CLTRN: variants seen among roughly 807,000 people sequenced by gnomAD.
CLTRN encodes the protein collectrin.
CLTRN carries 12 observed loss-of-function variants against 14.5 expected under a neutral mutation model. The observed-to-expected ratio is 0.83, with a 90% CI of 0.53 to 1.34. CLTRN has a LOEUF of 1.34. Ranked by LOEUF, CLTRN falls within the 40% of genes most tolerant of loss-of-function variation. CLTRN has a pLI of 0.00. For synonymous variants in CLTRN, 58 were observed against 56.5 expected, an observed-to-expected ratio of 1.03 and a Z score of -0.12; for missense variants, 154 against 165.1, an observed-to-expected ratio of 0.93 and a Z score of 0.37.
chrX:15,666,441 G>C (rs1026606361), upstream of CLTRN, among the ~76,000 whole-genome samples: 7 of 111,774 alleles, frequency 6.3e-5, no homozygotes, highest in African/African-American at 2.3e-4. Context: ...TTCCTCAAAA[G>C]TCATGAATGG....
At chrX:15,639,163 C>T (rs765554749) in intron 5 of CLTRN, among the ~76,000 whole-genome samples, 6 of 111,693 alleles carry the variant, frequency 5.4e-5, no homozygotes, top group Non-Finnish European at 1.1e-4. Context: ...AAGAGGTAAG[C>T]CAAAGTAGGG....
At chrX:15,651,308 G>A (rs777588915) in intron 3 of CLTRN, among the ~76,000 whole-genome samples, 45 of 111,240 alleles carry the variant, frequency 4.0e-4, no homozygotes, top group Non-Finnish European at 2.1e-4. Context: ...TTCAGATTCC[G>A]TGCCCCATCC....
upstream of CLTRN, among the ~76,000 whole-genome samples, chrX:15,666,341 C>T (rs1053778416): frequency 9.0e-6 from 1 of 111,563 alleles, no homozygotes; most frequent in Non-Finnish European, 1.9e-5. Flanking sequence ...TCCACAGATG[C>T]CAATCAACGC....
At chrX:15,674,579 G>A (rs2147220585) in intron 1 of CLTRN, among the ~76,000 whole-genome samples, 1 of 112,781 alleles carries the variant, frequency 8.9e-6, no homozygotes, top group African/African-American at 3.2e-5. Flanking sequence ...GAGTTGTGGT[G>A]TTTAGAGTTG....
rs759445205 is a variant in CLTRN at position 15,664,747 on chromosome X, GT to G, written c.28del (p.Thr10LeufsTer18). The G allele has an allele frequency of 5.0e-6, 6 of 1,207,691 alleles. No homozygotes were observed. Among genetic ancestry groups the G allele is most frequent in the Non-Finnish European group, 5.6e-6 (5 of 894,070 alleles). On this transcript the variant is annotated frameshift_variant, in exon 1 of 6. Transcript: ENST00000380342. LOFTEE classifies it high-confidence loss of function. ...TTGACAGAGTTCAGCATGAATGGCA[GT>G]CACCAGAAAAAAGAGCAGCCACAAC... The part of the protein sequence containing the change: MLWLLFFLV[T>X]AIHAELCQPG...
intron 3 of CLTRN, among the ~76,000 whole-genome samples, chrX:15,653,321 TTC>T (rs1412014774): frequency 1.8e-5 from 2 of 109,463 alleles, no homozygotes; most frequent in South Asian, 8.1e-4. Flanking sequence ...CGGTGGCCTT[TTC>T]TCTTTTTTTC....
chrX:15,656,882 TGA>T (rs1929379571), intron 3 of CLTRN, among the ~76,000 whole-genome samples: 1 of 111,459 alleles, frequency 9.0e-6, no homozygotes, highest in Non-Finnish European at 1.9e-5. Context: ...TTTGCAGTTT[TGA>T]TTTTTACAAC....
intron 4 of CLTRN, among the ~76,000 whole-genome samples, chrX:15,643,361 T>C (rs1049514234): frequency 3.6e-5 from 4 of 111,818 alleles, no homozygotes; most frequent in African/African-American, 1.3e-4. Flanking sequence ...TTCCCTGACA[T>C]AAATTCTCAT....
intron 5 of CLTRN, among the ~76,000 whole-genome samples, chrX:15,629,351 C>T (rs763090078): frequency 9.0e-6 from 1 of 110,615 alleles, no homozygotes; most frequent in African/African-American, 3.3e-5. Context: ...GATGGAATTC[C>T]TATTAGTCCT....
At chrX:15,666,199 T>C (rs1929617888), upstream of CLTRN, among the ~76,000 whole-genome samples, 1 of 111,877 alleles carries the variant, frequency 8.9e-6, no homozygotes, top group Non-Finnish European at 1.9e-5. Context: ...AATTTACTTA[T>C]ATAACAAACC....
At chrX:15,673,204 T>C (rs1433517517) in intron 1 of CLTRN, among the ~76,000 whole-genome samples, 1 of 112,839 alleles carries the variant, frequency 8.9e-6, no homozygotes, top group Non-Finnish European at 1.9e-5. Context: ...CCTGATTGAT[T>C]GGTTTTTATG....
intron 3 of CLTRN, among the ~76,000 whole-genome samples, chrX:15,651,510 G>A (rs1374699443): frequency 9.0e-6 from 1 of 111,510 alleles, no homozygotes; most frequent in Non-Finnish European, 1.9e-5. Context: ...CACATGGCTT[G>A]TCTGCATTCT....
At chrX:15,649,845 GT>G (rs1169631139) in intron 3 of CLTRN, among the ~76,000 whole-genome samples, 1 of 109,913 alleles carries the variant, frequency 9.1e-6, no homozygotes, top group East Asian at 2.8e-4. Flanking sequence ...GTGTCATAGA[GT>G]GGATCAGACT....
intron 2 of CLTRN, among the ~76,000 whole-genome samples, chrX:15,660,677 T>C (rs780993897): frequency 9.4e-6 from 1 of 106,599 alleles, no homozygotes; most frequent in African/African-American, 3.4e-5. Context: ...CGTGGTGGCA[T>C]GCACCTGTAG....
At chrX:15,653,456 C>T (rs1929275078) in intron 3 of CLTRN, among the ~76,000 whole-genome samples, 1 of 111,396 alleles carries the variant, frequency 9.0e-6, no homozygotes, top group Admixed American at 9.5e-5. Flanking sequence ...GCATCCTCAG[C>T]TGCCACATCT....
chrX:15,673,315 T>C (rs41320745), intron 1 of CLTRN, among the ~76,000 whole-genome samples: 4,466 of 112,359 alleles, frequency 0.04, 209 homozygotes, highest in African/African-American at 0.13. Context: ...GATCTGAAAG[T>C]GTGCATACTT....
chrX:15,668,840 T>C (rs1929668771), upstream of CLTRN, among the ~76,000 whole-genome samples: 1 of 112,274 alleles, frequency 8.9e-6, no homozygotes, highest in Non-Finnish European at 1.9e-5. Flanking sequence ...TACCTCTTTC[T>C]GAATCCATTT....
intron 3 of CLTRN, among the ~76,000 whole-genome samples, chrX:15,656,785 G>A (rs944939959): frequency 1.2e-4 from 13 of 110,450 alleles, no homozygotes; most frequent in South Asian, 7.6e-4. Context: ...CATCTCGCTC[G>A]CCAATTCATC....
At chrX:15,651,455 G>A (rs886488828) in intron 3 of CLTRN, among the ~76,000 whole-genome samples, 1 of 110,580 alleles carries the variant, frequency 9.0e-6, no homozygotes, top group African/African-American at 3.3e-5. Flanking sequence ...TGCCCTATGT[G>A]AGAATAGACC....
Sources: gnomAD v4.1 joint callset for allele counts (sites outside exome capture counted in the v4.1 genomes callset) on GRCh38, gnomAD v4.1.1 for gene constraint, MANE v1.5 for transcripts, NCBI Gene and HGNC (gene_info 2026-07-23, HGNC 2026-07-21) for gene names.